Variants in IFT172 observed in about 807,000 individuals in gnomAD.
IFT172 encodes the protein intraflagellar transport 172, also known as intraflagellar transport protein 172 homolog.
Under a neutral mutation model 248.9 loss-of-function variants are expected in IFT172, and 164 were observed. That is an observed-to-expected ratio of 0.66 (90% CI 0.58 to 0.75). IFT172 has a LOEUF of 0.75. Ranked by LOEUF, IFT172 falls within the 30% of genes least tolerant of loss-of-function variation. The probability of loss-of-function intolerance (pLI) is 0.00; values close to 1 mark genes in which losing one functional copy is unlikely to be tolerated. For missense variants in IFT172, 1,950 were observed against 2,192.4 expected (o/e 0.89, Z 2.21); for synonymous variants, 729 against 791.6 (o/e 0.92, Z 1.33).
rs1572724161 is a variant in IFT172 at position 27,449,881 on chromosome 2, G to A, written c.4051-81C>T. ...GTGAGCTCTCCCATCTGTTTCCCCA[G>A]GACTGCAAGCCATGCCCACCAGGAG... On this transcript the variant is annotated intron_variant, in intron 36 of 47. Coordinates refer to ENST00000260570, the MANE Select transcript of IFT172 (RefSeq NM_015662.3). The A allele has an allele frequency of 6.3e-6, 9 of 1,423,722 alleles. No individual in the cohort carries two copies. In the East Asian group the frequency reaches 2.1e-4, roughly 32 times the overall value. 88.2% of individuals were successfully genotyped at this position (1,423,722 alleles called of 1,614,324 possible).
In IFT172 at chr2:27,454,410, G is replaced by C; in HGVS notation, c.3474C>G (p.Phe1158Leu). ...TGATGAATTCAGCTTCAGCCTCTTC[G>C]AATTTACCCTACAGGGAGAGAAAGG... ...YAMFLEDEGKFEEAEAEFIRA... is the reference protein window; with the variant it reads ...YAMFLEDEGKLEEAEAEFIRA... Residue 1158 changes from phenylalanine (F) to leucine (L), a missense_variant, in exon 32 of 48, where the codon TTC (phenylalanine) becomes TTG (leucine). By Grantham distance (22) the Phe-to-Leu change is conservative. Around this residue, in one of 3 missense-constraint regions of IFT172, gnomAD observed 164 missense variants for 239.3 expected, o/e 0.69. Transcript: ENST00000260570. The surrounding 1 kb of genome is among the most constrained non-coding windows in gnomAD (Gnocchi z 4.2). The C allele has an allele frequency of 1.2e-6, 2 of 1,614,106 alleles. No individual in the cohort carries two copies. The highest frequency in any genetic ancestry group is 1.7e-6 in the Non-Finnish European group (2 of 1,180,016).
In IFT172 at chr2:27,483,571, T is replaced by G. The variant is rs1668538734; in HGVS notation, c.482+9A>C. On this transcript the variant is annotated intron_variant, in intron 6 of 47. Coordinates refer to ENST00000260570, the MANE Select transcript of IFT172 (RefSeq NM_015662.3). Reference sequence around the variant, plus strand: ...CCAGACTCTAGTGATACTACTCCTCTTTACTCACTTTGTTGTCAGGGACAC... The same window carrying G: ...CCAGACTCTAGTGATACTACTCCTCGTTACTCACTTTGTTGTCAGGGACAC... 1 of 1,613,534 alleles carries G rather than the reference T, an allele frequency of 6.2e-7. No homozygotes were observed. The highest frequency in any genetic ancestry group is 1.3e-5 in the African/African-American group (1 of 75,032).
At chr2:27,447,406 G>T in intron 42 of IFT172, 109 bp downstream of exon 42, 1 of 1,434,082 alleles carries the variant, frequency 7.0e-7, no homozygotes, top group Non-Finnish European at 9.5e-7. Context: ...GACAGGTGGG[G>T]AGATTCAAGA....
intron 35 of IFT172, among the ~76,000 whole-genome samples, chr2:27,451,745 G>A (rs1261369529): frequency 4.6e-5 from 7 of 152,084 alleles, no homozygotes; most frequent in African/African-American, 1.7e-4. Context: ...CAGCCTGGGC[G>A]ACAGAGCAAG....
At chr2:27,483,414 T>A in intron 6 of IFT172, 38 bp from the exon 7 acceptor site, 1 of 1,458,034 alleles carries the variant, frequency 6.9e-7, no homozygotes, top group Non-Finnish European at 9.6e-7. Context: ...AGGAAGAGAC[T>A]ATTTTATCTC....
chr2:27,480,122 T>C lies in IFT172; in HGVS notation c.813A>G (p.Arg271=), dbSNP rs1668256389. 2 of 1,613,978 alleles carry C rather than the reference T, an allele frequency of 1.2e-6. No homozygotes were observed. The highest frequency in any genetic ancestry group is 1.7e-6 in the Non-Finnish European group (2 of 1,179,984). ...GCTTTGCCTCTTCCCAGATGCTTCT[T>C]CGAGGGATCCAGTTGAACACCCGAA... ...DRLRVFNWIP[R]RSIWEEAKPK... is the part of the protein sequence containing the mutation. The change falls in exon 9 of 48, where the codon CGA becomes CGG. Residue 271 remains arginine, a synonymous_variant. Transcript: ENST00000260570.
chr2:27,456,321 C>T (rs1666160104), intron 30 of IFT172, among the ~76,000 whole-genome samples, 190 bp downstream of exon 30: 1 of 152,216 alleles, frequency 6.6e-6, no homozygotes, highest in South Asian at 2.1e-4. Flanking sequence ...TGTTTCCTCT[C>T]CACCCTTCTT....
intron 23 of IFT172, 27 bp downstream of exon 23, chr2:27,460,988 A>C (rs1415305961): frequency 6.2e-7 from 1 of 1,613,964 alleles, no homozygotes; most frequent in Non-Finnish European, 8.5e-7. Context: ...CCACAACAGT[A>C]AAGGATGGCT....
intron 47 of IFT172, 63 bp from the exon 48 acceptor site, chr2:27,444,584 A>T: frequency 7.6e-7 from 1 of 1,307,992 alleles, no homozygotes; most frequent in South Asian, 1.2e-5. Flanking sequence ...AATCAGCTCC[A>T]TCGCAGGCTT....
intron 40 of IFT172, among the ~76,000 whole-genome samples, chr2:27,448,161 A>C (rs1268041606): frequency 6.6e-6 from 1 of 152,082 alleles, no homozygotes; most frequent in Non-Finnish European, 1.5e-5. Flanking sequence ...GTGCAGTAGC[A>C]TGATCTCGGC....
At chr2:27,483,207 G>T in intron 7 of IFT172, 82 bp downstream of exon 7, 1 of 813,984 alleles carries the variant, frequency 1.2e-6, no homozygotes, top group Non-Finnish European at 2.1e-6. Flanking sequence ...GGTAGAGACA[G>T]GGTTTCACTG....
intron 14 of IFT172, among the ~76,000 whole-genome samples, chr2:27,476,342 C>G (rs374869120): frequency 1.3e-5 from 2 of 152,276 alleles, no homozygotes; most frequent in South Asian, 4.1e-4. Context: ...ACAAACATAG[C>G]TCACTGCAGC....
chr2:27,455,928 GT>G (rs1251340975), intron 30 of IFT172: 2 of 273,046 alleles, frequency 7.3e-6, no homozygotes, highest in African/African-American at 4.6e-5. Flanking sequence ...AAAAAGAAAA[GT>G]TCGGCCAGGC....
Position 27,487,109 on chromosome 2 carries a change from A to C in IFT172, c.40-1606T>G, listed in dbSNP as rs142754264. ...AGGCGTGTGCTACCATGCCTGGCTAATTTTTTTATATTTTTGGTAGAGACA... is the reference window on the plus strand; with the variant it reads ...AGGCGTGTGCTACCATGCCTGGCTACTTTTTTTATATTTTTGGTAGAGACA... On this transcript the variant is annotated intron_variant, in intron 1 of 47. Transcript: ENST00000260570. Among the ~76,000 whole-genome samples, 560 of 152,016 alleles carry C rather than the reference A, an allele frequency of 3.7e-3. 4 individuals carry two copies. Among genetic ancestry groups the C allele is most frequent in the African/African-American group, 0.013 (538 of 41,460 alleles).
intron 18 of IFT172, among the ~76,000 whole-genome samples, chr2:27,464,247 A>G (rs1243484873): frequency 6.6e-6 from 1 of 152,232 alleles, no homozygotes; most frequent in African/African-American, 2.4e-5. Context: ...CCAAAATGGC[A>G]GCAGGTGACA....
intron 8 of IFT172, 62 bp downstream of exon 8, chr2:27,480,984 G>T (rs1668310351): frequency 7.6e-7 from 1 of 1,314,222 alleles, no homozygotes; most frequent in Non-Finnish European, 1.1e-6. Flanking sequence ...GAATAATTTG[G>T]CTAAAGCAGA....
Position 27,457,966 on chromosome 2 carries a change from T to C in IFT172, c.2986A>G (p.Thr996Ala). 6.2e-7 allele frequency: 1 copy of C among 1,614,116 alleles called. No individual in the cohort carries two copies. The highest frequency in any genetic ancestry group is 8.5e-7 in the Non-Finnish European group (1 of 1,180,014). Residue 996 changes from threonine (T) to alanine (A), a missense_variant, in exon 28 of 48, where the codon ACA becomes GCA. By Grantham distance (58) the Thr-to-Ala change is moderately conservative. Coordinates refer to ENST00000260570, the MANE Select transcript of IFT172 (RefSeq NM_015662.3). ...ATGGCAAGATCAGGCTCTTGTACTG[T>C]CACATATAGCCTGGGGAAGGAGATA... ...KYREAERLYV[T>A]VQEPDLAITM...
At chr2:27,465,956 C>A in intron 16 of IFT172, 74 bp from the exon 17 acceptor site, 1 of 1,560,244 alleles carries the variant, frequency 6.4e-7, no homozygotes, top group South Asian at 1.1e-5. Flanking sequence ...AAAAGACCCA[C>A]CCTCATCCGA....
chr2:27,448,888 C>T (rs760873028), intron 40 of IFT172, 27 bp downstream of exon 40: 5 of 1,070,958 alleles, frequency 4.7e-6, no homozygotes, highest in Middle Eastern at 2.0e-4. Flanking sequence ...CTTGTGGAAA[C>T]ATTCAACCCA....
Sources: allele counts gnomAD v4.1 joint callset (sites outside exome capture counted in the v4.1 genomes callset), GRCh38; gene constraint gnomAD v4.1.1; regional missense constraint gnomAD v4.1.1; non-coding constraint Gnocchi (gnomAD v3.1); transcripts MANE v1.5; gene names NCBI Gene and HGNC (gene_info 2026-07-23, HGNC 2026-07-21).